SDK1: variants seen among roughly 807,000 people sequenced by gnomAD.
SDK1 encodes sidekick cell adhesion molecule 1.
Under a neutral mutation model 245.5 loss-of-function variants are expected in SDK1, and 157 were observed. The observed-to-expected ratio is 0.64, with a 90% CI of 0.56 to 0.73. SDK1 has a LOEUF of 0.73. Among genes scored for constraint, SDK1 ranks in the 30% least tolerant of loss-of-function variants. SDK1 has a pLI of 0.00. For synonymous variants in SDK1, 1,647 were observed against 1,278.5 expected (o/e 1.29, Z -6.15); for missense variants, 3,583 against 3,002.3 (o/e 1.19, Z -4.52).
intron 22 of SDK1, among the ~76,000 whole-genome samples, chr7:4,092,949 T>C (rs1267416912): frequency 6.6e-6 from 1 of 152,196 alleles, no homozygotes; most frequent in Non-Finnish European, 1.5e-5. Context: ...AATTGTATCT[T>C]CTTTGCAGAA....
chr7:3,612,409 C>G (rs1781622381), intron 1 of SDK1, among the ~76,000 whole-genome samples: 1 of 152,098 alleles, frequency 6.6e-6, no homozygotes, highest in African/African-American at 2.4e-5. Context: ...ATTGATATTA[C>G]TATTATGAAG....
intron 2 of SDK1, among the ~76,000 whole-genome samples, chr7:3,635,329 A>C (rs1479438865): frequency 6.6e-6 from 1 of 152,232 alleles, no homozygotes; most frequent in African/African-American, 2.4e-5. Flanking sequence ...GAAGATTATC[A>C]GAGGGGAAAA....
At chr7:3,533,350 G>C (rs1270326186) in intron 1 of SDK1, among the ~76,000 whole-genome samples, 1 of 152,150 alleles carries the variant, frequency 6.6e-6, no homozygotes, top group Non-Finnish European at 1.5e-5. Context: ...ATAAAGATGA[G>C]AGGACACTGA....
chr7:3,805,805 C>T (rs1779226663), intron 4 of SDK1, among the ~76,000 whole-genome samples: 1 of 152,104 alleles, frequency 6.6e-6, no homozygotes, highest in Non-Finnish European at 1.5e-5. Context: ...ATTGTCAAGG[C>T]AATTCAGATC....
At chr7:3,302,852 C>G (rs769779699) in intron 1 of SDK1, among the ~76,000 whole-genome samples, 4 of 152,114 alleles carry the variant, frequency 2.6e-5, no homozygotes, top group Non-Finnish European at 4.4e-5. Flanking sequence ...TGGTAAGGAA[C>G]TCGATATTCT....
intron 4 of SDK1, among the ~76,000 whole-genome samples, chr7:3,768,898 A>G (rs1311973976): frequency 6.6e-6 from 1 of 152,168 alleles, no homozygotes; most frequent in Admixed American, 6.5e-5. Flanking sequence ...TGCCGTAGGA[A>G]CACAGAACAA....
intron 2 of SDK1, among the ~76,000 whole-genome samples, chr7:3,620,010 A>G (rs1781886335): frequency 6.6e-6 from 1 of 152,224 alleles, no homozygotes; most frequent in African/African-American, 2.4e-5. Flanking sequence ...GAGAACTAGC[A>G]TGCCAGAAAA....
intron 5 of SDK1, among the ~76,000 whole-genome samples, chr7:3,830,316 T>G (rs1779882078): frequency 6.6e-6 from 1 of 152,244 alleles, no homozygotes; most frequent in Non-Finnish European, 1.5e-5. Flanking sequence ...ATTTGCCTAA[T>G]CGGATTTTTT....
At chr7:4,215,400 G>C (rs1468388219) in intron 38 of SDK1, among the ~76,000 whole-genome samples, 1 of 152,252 alleles carries the variant, frequency 6.6e-6, no homozygotes, top group Non-Finnish European at 1.5e-5. Context: ...TCAGCCAGCG[G>C]GACAATAGCT....
intron 2 of SDK1, among the ~76,000 whole-genome samples, chr7:3,634,298 C>T (rs1782390352): frequency 6.6e-6 from 1 of 152,122 alleles, no homozygotes; most frequent in Non-Finnish European, 1.5e-5. Context: ...CTGAGATGGA[C>T]CCGATGCTGC....
chr7:4,149,447 G>T lies in SDK1; in HGVS notation c.4609G>T (p.Ala1537Ser). The change falls in exon 30 of 45, where the codon GCA becomes TCA. Residue 1537 changes from alanine (A) to serine (S), a missense_variant. Ala to Ser is a moderately conservative substitution (Grantham distance 99). Transcript: ENST00000404826. ...YSSSISHEAT[A>S]CVVDRLRPFT... ...CTCGTCCATCAGCCATGAGGCGACAGCATGCGTCGTTGACAGGTACTGAGA... is the reference window on the plus strand; with the variant it reads ...CTCGTCCATCAGCCATGAGGCGACATCATGCGTCGTTGACAGGTACTGAGA... 1 of 1,529,436 alleles carries T rather than the reference G, an allele frequency of 6.5e-7. No individual in the cohort carries two copies. Among genetic ancestry groups the T allele is most frequent in the Non-Finnish European group, 8.8e-7 (1 of 1,139,080 alleles). 94.7% of individuals were successfully genotyped at this position (1,529,436 alleles called of 1,614,324 possible). A position where few individuals can be genotyped will look rare whatever the true frequency, so the allele number is the denominator to read the frequency against.
chr7:3,921,004 G>A (rs113175974), intron 5 of SDK1, among the ~76,000 whole-genome samples: 1 of 152,282 alleles, frequency 6.6e-6, no homozygotes, highest in South Asian at 2.1e-4. Flanking sequence ...GATCAAGTTT[G>A]CAATTCCTAG....
intron 1 of SDK1, among the ~76,000 whole-genome samples, chr7:3,550,494 T>G (rs980216346): frequency 6.6e-6 from 1 of 152,188 alleles, no homozygotes; most frequent in African/African-American, 2.4e-5. Flanking sequence ...TCTGGGCCAC[T>G]GCTGGGTGCT....
At chr7:4,182,008 C>G (rs531250033) in intron 35 of SDK1, among the ~76,000 whole-genome samples, 14 of 152,310 alleles carry the variant, frequency 9.2e-5, no homozygotes, top group African/African-American at 2.6e-4. Context: ...CAATCTCCAT[C>G]TCCCAGGTTC....
At chr7:3,745,674 A>G (rs1779595104) in intron 4 of SDK1, among the ~76,000 whole-genome samples, 1 of 150,608 alleles carries the variant, frequency 6.6e-6, no homozygotes, top group Non-Finnish European at 1.5e-5. Flanking sequence ...CCCCTATAAA[A>G]CTCCCCTGTT....
intron 4 of SDK1, among the ~76,000 whole-genome samples, chr7:3,725,464 A>C (rs1250569138): frequency 6.6e-6 from 1 of 152,188 alleles, no homozygotes; most frequent in Non-Finnish European, 1.5e-5. Context: ...TTTTCAAAAA[A>C]ATTCTCTATT....
chr7:4,109,747 A>T (rs1241697558), intron 22 of SDK1, among the ~76,000 whole-genome samples: 2 of 152,112 alleles, frequency 1.3e-5, no homozygotes, highest in Non-Finnish European at 2.9e-5. Flanking sequence ...AGGGGGAGAG[A>T]GGGACGTGGT....
In SDK1 at chr7:4,212,717, C is replaced by G. The variant is rs144852713; in HGVS notation, c.5539+2555C>G. Among the ~76,000 whole-genome samples the G allele has an allele frequency of 8.7e-4, 133 of 152,316 alleles. 3 individuals are homozygous for G. The East Asian group carries it at 0.024, about 27-fold the overall frequency. ...CAGTAGAGAATTTTGGAGACACACACGGGTTCCATGAGCCTGTGTTACAAA... is the reference window on the plus strand; with the variant it reads ...CAGTAGAGAATTTTGGAGACACACAGGGGTTCCATGAGCCTGTGTTACAAA... On this transcript the variant is annotated intron_variant, in intron 38 of 44. Transcript: ENST00000404826.
chr7:3,723,641 CAGTT>C (rs1337583769), intron 4 of SDK1, among the ~76,000 whole-genome samples: 5 of 150,278 alleles, frequency 3.3e-5, no homozygotes, highest in South Asian at 2.1e-4. Flanking sequence ...ACATTTCATT[CAGTT>C]AGTAAGTAAA....
Sources: gnomAD v4.1 joint callset for allele counts (sites outside exome capture counted in the v4.1 genomes callset) on GRCh38, gnomAD v4.1.1 for gene constraint, MANE v1.5 for transcripts, NCBI Gene and HGNC (gene_info 2026-07-23, HGNC 2026-07-21) for gene names.